Variants in CCDC110 observed in about 807,000 individuals in gnomAD.
The protein encoded by CCDC110 is coiled-coil domain containing 110.
A neutral mutation model predicts 77.1 loss-of-function variants in CCDC110; 70 were observed. The observed-to-expected ratio is 0.91, with a 90% CI of 0.75 to 1.11. The LOEUF is 1.11. Ranked by LOEUF, CCDC110 falls within the 50% of genes least tolerant of loss-of-function variation. CCDC110 has a pLI of 0.00. For synonymous variants in CCDC110, 295 were observed against 312.5 expected, an observed-to-expected ratio of 0.94 and a Z score of 0.59; for missense variants, 868 against 942.9, an observed-to-expected ratio of 0.92 and a Z score of 1.04.
chr4:185,470,831 C>T lies in CCDC110; in HGVS notation c.115+114G>A. 5.0e-6 allele frequency: 4 copies of T among 797,970 alleles called. No individual in the cohort carries two copies. In the Admixed American group the frequency reaches 6.9e-5, roughly 14 times the overall value. 49.4% of individuals were successfully genotyped at this position (797,970 alleles called of 1,614,324 possible). On this transcript the variant is annotated intron_variant, in intron 2 of 6. Transcript: ENST00000307588. Reference sequence around the variant, plus strand: ...GCACAAAGCGCGAGTGCCGTGGTGGCTGCTGTCCGTGTCATCACGGCCGTG... The same window carrying T: ...GCACAAAGCGCGAGTGCCGTGGTGGTTGCTGTCCGTGTCATCACGGCCGTG...
intron 6 of CCDC110, chr4:185,452,204 C>T (rs2095630172): frequency 2.0e-6 from 2 of 985,404 alleles, no homozygotes; most frequent in Non-Finnish European, 2.4e-6. Context: ...CACTGGCGTC[C>T]TCTATTGACA....
rs747534562 is a variant in CCDC110, at chr4:185,462,725, G to A, written c.172-17C>T. Reference sequence around the variant, plus strand: ...CTGAAGGACCTATGACAAAAGTAAAGTATGAAATTGAGTATTTTTAGGTAG... The same window carrying A: ...CTGAAGGACCTATGACAAAAGTAAAATATGAAATTGAGTATTTTTAGGTAG... On this transcript the variant is annotated splice_polypyrimidine_tract_variant and intron_variant, in intron 3 of 6. Coordinates refer to ENST00000307588, the MANE Select transcript of CCDC110 (RefSeq NM_152775.4). 8 of 1,604,156 alleles carry A rather than the reference G, an allele frequency of 5.0e-6. No homozygotes were observed. The highest frequency in any genetic ancestry group is 6.8e-6 in the Non-Finnish European group (8 of 1,170,960).
In CCDC110 at chr4:185,461,066, G is replaced by C. The variant is rs376940059; in HGVS notation, c.331C>G (p.Arg111Gly). 5.1e-6 allele frequency: 8 copies of C among 1,576,088 alleles called. No individual in the cohort carries two copies. Among genetic ancestry groups the C allele is most frequent in the Non-Finnish European group, 6.1e-6 (7 of 1,153,612 alleles). The change falls in exon 5 of 7, where the codon CGC (arginine) becomes GGC (glycine). Residue 111 changes from arginine (R) to glycine (G), a missense_variant. Physicochemically the swap from Arg to Gly is moderately radical, Grantham distance 125 (BLOSUM62 -2). Transcript: ENST00000307588. Reference sequence around the variant, plus strand: ...TAACATACCAAATCCTTTTCAATGCGCGTGCCAAACACCAGATTTTTTTCT... The same window carrying C: ...TAACATACCAAATCCTTTTCAATGCCCGTGCCAAACACCAGATTTTTTTCT... ...SSEKNLVFGT[R>G]IEKDLPTENQ...
rs1469637803 is a variant in CCDC110 at position 185,471,678 on chromosome 4, G to A, written c.6C>T (p.Ser2=). The A allele has an allele frequency of 1.9e-6, 3 of 1,552,454 alleles. No homozygotes were observed. The highest frequency in any genetic ancestry group is 2.7e-5 in the East Asian group (1 of 37,568). M[S]PEKQHREEDE... ...CCCGCCCCGTCCAACTCTTACCCGG[G>A]CTCATCGCCGCGGCTCATCTCTCTC... The change falls in exon 1 of 7, where the codon AGC becomes AGT. Residue 2 remains serine, a synonymous_variant. Coordinates refer to ENST00000307588, the MANE Select transcript of CCDC110 (RefSeq NM_152775.4).
chr4:185,457,853 G>A (rs183524945), intron 6 of CCDC110: 5 of 1,196,330 alleles, frequency 4.2e-6, no homozygotes, highest in Non-Finnish European at 5.7e-6. Flanking sequence ...AGGTGGGAGT[G>A]CTACTTATAC....
At chr4:185,445,688 A>G (rs2095608655) in intron 6 of CCDC110, 146 bp from the exon 7 acceptor site, 1 of 566,458 alleles carries the variant, frequency 1.8e-6, no homozygotes, top group South Asian at 2.5e-5. Context: ...TCTTTGGAGT[A>G]AAAACAATCA....
chr4:185,449,354 C>T (rs2095624476), intron 6 of CCDC110, among the ~76,000 whole-genome samples: 1 of 151,990 alleles, frequency 6.6e-6, no homozygotes, highest in African/African-American at 2.4e-5. Flanking sequence ...AACTCTGTCT[C>T]TACAAAAAAT....
chr4:185,446,173 G>C (rs2095610614), intron 6 of CCDC110, among the ~76,000 whole-genome samples: 1 of 152,152 alleles, frequency 6.6e-6, no homozygotes, highest in Admixed American at 6.5e-5. Context: ...TACTTGTTAA[G>C]TTCTTTAGAA....
intron 4 of CCDC110, among the ~76,000 whole-genome samples, chr4:185,461,932 T>C (rs912662923): frequency 1.3e-5 from 2 of 152,154 alleles, no homozygotes; most frequent in Non-Finnish European, 2.9e-5. Context: ...ACCTGGTCTC[T>C]ACTAAAAATA....
At chr4:185,450,492 A>C (rs2095627221) in intron 6 of CCDC110, among the ~76,000 whole-genome samples, 1 of 152,108 alleles carries the variant, frequency 6.6e-6, no homozygotes, top group Non-Finnish European at 1.5e-5. Context: ...CTCACGCCTG[A>C]AATCCCAGCA....
In CCDC110 at chr4:185,458,223, T is replaced by A. The variant is rs142418216; in HGVS notation, c.2364A>T (p.Thr788=). ...ATTTCTCTCTTCTTGAAATGTAAGT[T>A]GTTTTTGAAGGGTCATTATGCTGAT... ...ICNQHNDPSK[T]TYISRREKFH... Residue 788 remains threonine, a synonymous_variant, in exon 6 of 7, where the codon ACA becomes ACT. Transcript: ENST00000307588. 2.0e-4 allele frequency: 326 copies of A among 1,605,746 alleles called. 2 individuals carry two copies. In the African/African-American group the frequency reaches 4.0e-3, roughly 20 times the overall value.
chr4:185,465,737 A>G (rs2095654434), intron 2 of CCDC110, among the ~76,000 whole-genome samples: 1 of 152,236 alleles, frequency 6.6e-6, no homozygotes, highest in Non-Finnish European at 1.5e-5. Context: ...GCAATAATCT[A>G]AGTGGAGATG....
rs1172530457 is a variant in CCDC110 at position 185,458,881 on chromosome 4, A to T, written c.1706T>A (p.Ile569Lys). 1 of 1,606,524 alleles carries T rather than the reference A, an allele frequency of 6.2e-7. No homozygotes were observed. Among genetic ancestry groups the T allele is most frequent in the African/African-American group, 1.3e-5 (1 of 74,500 alleles). ...IVNNENNRMS[I>K]EMEAMKTNIL... ...ATTGGTTTTCATTGCTTCCATTTCT[A>T]TACTCATTCGATTATTTTCATTATT... The change falls in exon 6 of 7, where the codon ATA (isoleucine) becomes AAA (lysine). Residue 569 changes from isoleucine to lysine, a missense_variant. Physicochemically the swap from Ile to Lys is moderately radical, Grantham distance 102. Transcript: ENST00000307588.
At chr4:185,461,420 T>A (rs939926118) in intron 4 of CCDC110, among the ~76,000 whole-genome samples, 3 of 152,200 alleles carry the variant, frequency 2.0e-5, no homozygotes, top group African/African-American at 7.2e-5. Flanking sequence ...ATTTTAGGTG[T>A]CTGATTTTTA....
intron 6 of CCDC110, among the ~76,000 whole-genome samples, chr4:185,445,789 A>C (rs1342781050): frequency 6.6e-6 from 1 of 152,204 alleles, no homozygotes; most frequent in Non-Finnish European, 1.5e-5. Context: ...TTATAATACT[A>C]ACATTAGTAT....
At chr4:185,460,318 G>C (rs1561163292) in intron 5 of CCDC110, 80 bp from the exon 6 acceptor site, 15 of 998,060 alleles carry the variant, frequency 1.5e-5, no homozygotes, top group Non-Finnish European at 2.2e-5. Context: ...TTTGTGGAGG[G>C]TTTATTTATG....
rs1292378638 is a variant in CCDC110, at chr4:185,460,214, G to A, written c.373C>T (p.Leu125Phe). ...DLPTENQEEN[L>F]SMEKSHHFED... Reference sequence around the variant, plus strand: ...AAATGATGACTTTTCTCCATAGAAAGGTTTTCTTCTTGATTCTCTGTAGGC... The same window carrying A: ...AAATGATGACTTTTCTCCATAGAAAAGTTTTCTTCTTGATTCTCTGTAGGC... Residue 125 changes from leucine (L) to phenylalanine (F), a missense_variant, in exon 6 of 7, where the codon CTT becomes TTT. Transcript: ENST00000307588. 2 of 1,604,794 alleles carry A rather than the reference G, an allele frequency of 1.2e-6. No individual in the cohort carries two copies.
chr4:185,470,861 G>C, intron 2 of CCDC110, 84 bp downstream of exon 2: 1 of 991,348 alleles, frequency 1.0e-6, no homozygotes, highest in South Asian at 1.3e-5. Flanking sequence ...GCCGTGGGAA[G>C]CACGCCAGGT....
Position 185,459,591 on chromosome 4 carries a change from G to A in CCDC110, c.996C>T (p.Phe332=), listed in dbSNP as rs1336965259. The change falls in exon 6 of 7, where the codon TTC becomes TTT. Residue 332 remains phenylalanine, a synonymous_variant. Transcript: ENST00000307588. ...LLPFRETVSK[F]HVHFCRKCKK... Reference sequence around the variant, plus strand: ...TACATTTTCTACAAAAATGCACATGGAATTTTGACACAGTTTCCCTGAAGG... The same window carrying A: ...TACATTTTCTACAAAAATGCACATGAAATTTTGACACAGTTTCCCTGAAGG... 1.2e-6 allele frequency: 2 copies of A among 1,613,058 alleles called. No individual in the cohort carries two copies. Among genetic ancestry groups the A allele is most frequent in the African/African-American group, 2.7e-5 (2 of 74,912 alleles).
Sources: gnomAD v4.1 joint callset for allele counts (sites outside exome capture counted in the v4.1 genomes callset) on GRCh38, gnomAD v4.1.1 for gene constraint, MANE v1.5 for transcripts, NCBI Gene and HGNC (gene_info 2026-07-23, HGNC 2026-07-21) for gene names.